MCM10: variants seen among roughly 807,000 people sequenced by gnomAD.
MCM10 encodes minichromosome maintenance 10 replication initiation factor, also known as protein MCM10 homolog.
MCM10 carries 91 observed loss-of-function variants against 109.9 expected under a neutral mutation model. The ratio of observed to expected loss-of-function variants is 0.83; its 90% CI spans 0.70 to 0.99. The LOEUF (loss-of-function observed/expected upper bound fraction) is 0.99. MCM10 is among the 50% of genes least tolerant of loss of function. The pLI is 0.00. For missense variants in MCM10, 1,077 were observed against 1,061.2 expected, an observed-to-expected ratio of 1.01 and a Z score of -0.21; for synonymous variants, 380 against 387.2, an observed-to-expected ratio of 0.98 and a Z score of 0.22.
chr10:13,186,033 A>C, intron 8 of MCM10, 131 bp from the exon 9 acceptor site: 1 of 611,226 alleles, frequency 1.6e-6, no homozygotes, highest in Non-Finnish European at 3.0e-6. Flanking sequence ...GAGTGCTAGG[A>C]TTATAGGTGT....
chr10:13,164,382 C>A (rs1422658303), intron 2 of MCM10, among the ~76,000 whole-genome samples, 173 bp downstream of exon 2: 2 of 152,200 alleles, frequency 1.3e-5, no homozygotes, highest in African/African-American at 4.8e-5. Context: ...ATGTTACTTG[C>A]TTTTATCAGG....
rs570007746 is a variant in MCM10, at chr10:13,175,456, C to T, written c.593-54C>T. On this transcript the variant is annotated intron_variant, in intron 5 of 19. Coordinates refer to ENST00000378714, the MANE Select transcript of MCM10 (RefSeq NM_018518.5). Reference sequence around the variant, plus strand: ...ATCCGTAAAAACAAATTTCCAAATTCCGTTCGTGATTATCAGTGTGGTTGC... The same window carrying T: ...ATCCGTAAAAACAAATTTCCAAATTTCGTTCGTGATTATCAGTGTGGTTGC... 22 of 1,476,414 alleles carry T rather than the reference C, an allele frequency of 1.5e-5. No homozygotes were observed. The South Asian group carries it at 2.4e-4, about 16-fold the overall frequency. 91.5% of individuals were successfully genotyped at this position (1,476,414 alleles called of 1,614,324 possible).
In MCM10 at chr10:13,186,374, C is replaced by T. The variant is rs1466075117; in HGVS notation, c.1215+94C>T. Reference sequence around the variant, plus strand: ...TTTAGCTGTGATGACCAGTTTGGAACTGAGTTTCCCACTTAAAGGAAGAGT... The same window carrying T: ...TTTAGCTGTGATGACCAGTTTGGAATTGAGTTTCCCACTTAAAGGAAGAGT... On this transcript the variant is annotated intron_variant, in intron 9 of 19. Transcript: ENST00000378714. 7.8e-6 allele frequency: 6 copies of T among 768,524 alleles called. No individual in the cohort carries two copies. In the Admixed American group the frequency reaches 1.4e-4, roughly 18 times the overall value. The allele number at this position is 768,524 out of a possible 1,614,324, so 47.6% of individuals were successfully genotyped here.
intron 14 of MCM10, among the ~76,000 whole-genome samples, chr10:13,197,202 GAGCTACCATGCCA>G (rs775892849): frequency 1.3e-5 from 2 of 152,182 alleles, no homozygotes; most frequent in African/African-American, 2.4e-5. Flanking sequence ...GGTTTACAAT[GAGCTACCATGCCA>G]AGCCCCATTT....
intron 19 of MCM10, 29 bp from the exon 20 acceptor site, chr10:13,209,198 C>A (rs1370143105): frequency 1.2e-6 from 2 of 1,601,766 alleles, no homozygotes; most frequent in Non-Finnish European, 8.6e-7. Flanking sequence ...GTGGAACCAT[C>A]TCCTATTAAA....
intron 15 of MCM10, among the ~76,000 whole-genome samples, chr10:13,198,016 G>A (rs545301576): frequency 4.6e-5 from 7 of 151,398 alleles, no homozygotes; most frequent in South Asian, 2.1e-4. Context: ...GGGTTCAAGC[G>A]ATCCTCCTGC....
intron 13 of MCM10, 49 bp downstream of exon 13, chr10:13,192,617 C>T (rs765549049): frequency 1.4e-5 from 22 of 1,533,734 alleles, no homozygotes; most frequent in South Asian, 7.9e-5. Flanking sequence ...CCATCTCAGG[C>T]GTCCTCAGAA....
Position 13,189,034 on chromosome 10 carries a change from G to T in MCM10, c.1369G>T (p.Gly457Cys). The T allele has an allele frequency of 1.2e-6, 2 of 1,614,234 alleles. No individual in the cohort carries two copies. Among genetic ancestry groups the T allele is most frequent in the Non-Finnish European group, 1.7e-6 (2 of 1,180,042 alleles). Residue 457 changes from glycine to cysteine, a missense_variant, in exon 10 of 20, where the codon GGC becomes TGC. Coordinates refer to ENST00000378714, the MANE Select transcript of MCM10 (RefSeq NM_018518.5). ...CCTCAAAGAACGGCTGTGCCAAGAT[G>T]GCTTTTACTACGGAGGGGTTTCTTC... is the stretch of plus-strand genomic sequence containing the variant. ...TSLKERLCQD[G>C]FYYGGVSSAS...
chr10:13,185,294 C>G (rs1428206970), intron 8 of MCM10, among the ~76,000 whole-genome samples: 1 of 152,172 alleles, frequency 6.6e-6, no homozygotes, highest in African/African-American at 2.4e-5. Flanking sequence ...AGATCTTGTC[C>G]TAGGAGGGGT....
intron 1 of MCM10, among the ~76,000 whole-genome samples, chr10:13,163,674 C>T (rs558990305): frequency 1.4e-5 from 2 of 144,390 alleles, no homozygotes; most frequent in South Asian, 2.3e-4. Context: ...TAATGTAGAT[C>T]GACCCCAATA....
intron 2 of MCM10, among the ~76,000 whole-genome samples, chr10:13,164,600 C>T (rs1833970374): frequency 1.3e-5 from 2 of 152,220 alleles, no homozygotes; most frequent in Admixed American, 1.3e-4. Context: ...GGCAGTCTGA[C>T]TTCAGAGTTT....
intron 2 of MCM10, 36 bp downstream of exon 2, chr10:13,164,245 G>A: frequency 1.3e-6 from 2 of 1,581,026 alleles, no homozygotes. Flanking sequence ...TCTGTTTCAA[G>A]GAAAACTAAC....
chr10:13,172,644 A>G lies in MCM10; in HGVS notation c.471A>G (p.Pro157=), dbSNP rs1317078393. Residue 157 remains proline, a synonymous_variant, in exon 5 of 20, where the codon CCA becomes CCG. Coordinates refer to ENST00000378714, the MANE Select transcript of MCM10 (RefSeq NM_018518.5). This position sits in a 1 kb window ranked among gnomAD's most constrained non-coding sequence, Gnocchi z 5.2. ...ATTAAGTAGAGAAGTCTCCCCGGCC[A>G]CCTCTTAAGGAGAGGAGAGTTCAGA... The part of the protein sequence containing the change: ...LQKSPEKSPR[P]PLKERRVQRI... The G allele has an allele frequency of 6.2e-7, 1 of 1,613,946 alleles. No homozygotes were observed. Among genetic ancestry groups the G allele is most frequent in the African/African-American group, 1.3e-5 (1 of 74,880 alleles).
Position 13,172,582 on chromosome 10 carries a change from T to A in MCM10, c.455-46T>A. The stretch of plus-strand genomic sequence containing the variant: ...CTGTCCAAACAGCCCTTTGAACCTC[T>A]TTCTGAATGGGTTTTTACTCACTTA... On this transcript the variant is annotated intron_variant, in intron 4 of 19. Coordinates refer to ENST00000378714, the MANE Select transcript of MCM10 (RefSeq NM_018518.5). The surrounding 1 kb of genome is among the most constrained non-coding windows in gnomAD (Gnocchi z 5.2). 1.2e-6 allele frequency: 2 copies of A among 1,611,598 alleles called. No individual in the cohort carries two copies. The highest frequency in any genetic ancestry group is 1.7e-6 in the Non-Finnish European group (2 of 1,178,594).
chr10:13,201,547 G>C lies in MCM10; in HGVS notation c.2352+13G>C. Reference sequence around the variant, plus strand: ...GACATGCAAGACGGTGGGTGAAGGTGGGGGCTGCAGCAACCCATGGGCCCT... The same window carrying C: ...GACATGCAAGACGGTGGGTGAAGGTCGGGGCTGCAGCAACCCATGGGCCCT... On this transcript the variant is annotated intron_variant, in intron 17 of 19. Coordinates refer to ENST00000378714, the MANE Select transcript of MCM10 (RefSeq NM_018518.5). 2 of 1,585,656 alleles carry C rather than the reference G, an allele frequency of 1.3e-6. No individual in the cohort carries two copies. Among genetic ancestry groups the C allele is most frequent in the African/African-American group, 1.3e-5 (1 of 74,240 alleles).
At chr10:13,161,825 C>T (rs1365086547) in intron 1 of MCM10, among the ~76,000 whole-genome samples, 3 of 152,254 alleles carry the variant, frequency 2.0e-5, no homozygotes, top group African/African-American at 7.2e-5. Flanking sequence ...ACTAAGGAAT[C>T]GGGTTCTTCC....
At chr10:13,187,060 C>T (rs1022573943) in intron 9 of MCM10, among the ~76,000 whole-genome samples, 3 of 152,196 alleles carry the variant, frequency 2.0e-5, no homozygotes, top group African/African-American at 7.2e-5. Context: ...AGCTGTGCAA[C>T]CATCACCACT....
chr10:13,203,703 G>A (rs1834530532), intron 17 of MCM10, among the ~76,000 whole-genome samples: 1 of 152,052 alleles, frequency 6.6e-6, no homozygotes, highest in Non-Finnish European at 1.5e-5. Flanking sequence ...TCTGAGGATC[G>A]GAATTAAAAG....
At position 13,210,057 on chromosome 10, in the gene MCM10, A is replaced by AT. The variant is rs1834638982; in HGVS notation, c.*754dup. On this transcript the variant is annotated 3_prime_UTR_variant, in exon 20 of 20. Transcript: ENST00000378714. ...AAAATCTCATATTATTTTTTTTTTA[A>AT]TTTTTTTATTTTTTATGACAGGGTC... The AT allele has an allele frequency of 6.6e-6, 1 of 151,158 alleles. No homozygotes were observed. The highest frequency in any genetic ancestry group is 1.9e-4 in the East Asian group (1 of 5,158). 9.4% of individuals were successfully genotyped at this position (151,158 alleles called of 1,614,324 possible). A position where few individuals can be genotyped will look rare whatever the true frequency, so the allele number is the denominator to read the frequency against.
Sources: allele counts gnomAD v4.1 joint callset (sites outside exome capture counted in the v4.1 genomes callset), GRCh38; gene constraint gnomAD v4.1.1; non-coding constraint Gnocchi (gnomAD v3.1); transcripts MANE v1.5; gene names NCBI Gene and HGNC (gene_info 2026-07-23, HGNC 2026-07-21).